IFT81: variants seen among roughly 807,000 people sequenced by gnomAD.
The protein encoded by IFT81 is intraflagellar transport protein 81 homolog.
In IFT81, 72 loss-of-function variants were observed where a neutral mutation model predicts 102.6. That is an observed-to-expected ratio of 0.70 (90% CI 0.58 to 0.85). The LOEUF is 0.85. Among genes scored for constraint, IFT81 ranks in the 40% least tolerant of loss-of-function variants. The pLI is 0.00. For synonymous variants in IFT81, 237 were observed against 242.7 expected (o/e 0.98, Z 0.22); for missense variants, 723 against 787.3 (o/e 0.92, Z 0.98).
rs950881346 is a variant in IFT81, at chr12:110,166,820, T to C, written c.1188+3755T>C. 2.6e-5 allele frequency among the ~76,000 whole-genome samples: 4 copies of C among 151,734 alleles called. No individual in the cohort carries two copies. The East Asian group carries it at 5.9e-4, about 22-fold the overall frequency. On this transcript the variant is annotated intron_variant, in intron 11 of 18. Transcript: ENST00000242591. ...GGACTACACTGTGAACAATCATTAA[T>C]TGGGAAGTGTATATTTGCCAGAAAT... is the stretch of plus-strand genomic sequence containing the variant.
chr12:110,139,866 T>TAAAATAAATAAAATAAAATAAAATATAAA (rs1477964163), intron 8 of IFT81, among the ~76,000 whole-genome samples: 5 of 130,090 alleles, frequency 3.8e-5, no homozygotes, highest in African/African-American at 1.5e-4. Flanking sequence ...TAAAATAAAA[T>TAAAATAAATAAAATAAAATAAAATATAAA]ATAAAATAAA....
chr12:110,213,607 G>A (rs1776977903), intron 18 of IFT81, among the ~76,000 whole-genome samples: 2 of 152,058 alleles, frequency 1.3e-5, no homozygotes, highest in South Asian at 2.1e-4. Flanking sequence ...TTATTGACTG[G>A]AATAATTCTG....
Position 110,203,947 on chromosome 12 carries a change from AC to A in IFT81, c.1642del (p.Gln548ArgfsTer23). On this transcript the variant is annotated frameshift_variant and splice_region_variant, in exon 15 of 19. Transcript: ENST00000242591. LOFTEE classifies it high-confidence loss of function. ...GLESNRSKLE[Q>X]EVRRLREECL... The stretch of plus-strand genomic sequence containing the variant: ...TCGAAAGCAATCGGTCCAAATTAGA[AC>A]AGGTAAGAAGAGAGTTTTTATTTTA... 1 of 1,605,714 alleles carries A rather than the reference AC, an allele frequency of 6.2e-7. No individual in the cohort carries two copies. The highest frequency in any genetic ancestry group is 8.5e-7 in the Non-Finnish European group (1 of 1,173,560).
rs202213553 is a variant in IFT81, at chr12:110,205,611, T to C, written c.1733T>C (p.Leu578Pro). The C allele has an allele frequency of 1.6e-5, 25 of 1,602,578 alleles. No individual in the cohort carries two copies. Among genetic ancestry groups the C allele is most frequent in the Non-Finnish European group, 2.1e-5 (25 of 1,176,930 alleles). ...TCTATTTAGAACCTAGAAGTTCAAC[T>C]TCGTCGTGCTACTGATGAGATGAAG... ...NCMIKNLEVQ[L>P]RRATDEMKAY... The change falls in exon 17 of 19, where the codon CTT (leucine) becomes CCT (proline). Residue 578 changes from leucine (L) to proline (P), a missense_variant. Coordinates refer to ENST00000242591, the MANE Select transcript of IFT81 (RefSeq NM_014055.4).
chr12:110,200,620 A>G (rs996848589), intron 14 of IFT81, among the ~76,000 whole-genome samples: 8 of 152,108 alleles, frequency 5.3e-5, no homozygotes, highest in African/African-American at 1.9e-4. Context: ...TTTATGTAAA[A>G]TATTTTTTTA....
chr12:110,162,238 A>T (rs1038947087), intron 10 of IFT81: 2 of 151,912 alleles, frequency 1.3e-5, no homozygotes, highest in Admixed American at 6.6e-5. Context: ...CCATGTAAAA[A>T]TACGGTAGAC....
intron 13 of IFT81, 117 bp downstream of exon 13, chr12:110,191,165 C>CAA: frequency 1.3e-6 from 1 of 798,200 alleles, no homozygotes; most frequent in Non-Finnish European, 1.9e-6. Flanking sequence ...TACATTCTTT[C>CAA]ATCTTTTTTT....
rs1894443708 is a variant in IFT81, at chr12:110,135,565, T to TTTAA, written c.696+133_696+136dup. ...TTTTGCTAACATAATGGAATACTCT[T>TTTAA]TTAATTAAGATAAATATTTCAGGCC... On this transcript the variant is annotated intron_variant, in intron 7 of 18. Coordinates refer to ENST00000242591, the MANE Select transcript of IFT81 (RefSeq NM_014055.4). The TTTAA allele has an allele frequency of 6.8e-6, 4 of 585,642 alleles. No individual in the cohort carries two copies. The East Asian group carries it at 1.3e-4, about 18-fold the overall frequency. 36.3% of individuals were successfully genotyped at this position (585,642 alleles called of 1,614,324 possible).
chr12:110,217,468 C>A (rs1870280049), intron 18 of IFT81, among the ~76,000 whole-genome samples: 1 of 152,186 alleles, frequency 6.6e-6, no homozygotes, highest in Admixed American at 6.6e-5. Context: ...CTACATTCTT[C>A]TTTTCACACC....
chr12:110,154,638 A>G (rs926580621), intron 10 of IFT81, among the ~76,000 whole-genome samples: 3 of 151,884 alleles, frequency 2.0e-5, no homozygotes, highest in African/African-American at 7.2e-5. Context: ...CAAAAAAAAA[A>G]AAAAAAGAAA....
intron 12 of IFT81, among the ~76,000 whole-genome samples, chr12:110,188,371 A>G (rs1485024872): frequency 6.6e-6 from 1 of 150,888 alleles, no homozygotes; most frequent in Non-Finnish European, 1.5e-5. Context: ...CCATCTGCTG[A>G]TTTCCGCTTG....
intron 11 of IFT81, chr12:110,168,558 T>TG (rs1257248849): frequency 2.4e-6 from 1 of 421,034 alleles, no homozygotes; most frequent in Non-Finnish European, 3.2e-6. Context: ...GGTCTGATTA[T>TG]GCCTGGAGTA....
intron 8 of IFT81, among the ~76,000 whole-genome samples, chr12:110,142,500 T>C (rs1894953254): frequency 6.6e-6 from 1 of 152,136 alleles, no homozygotes; most frequent in Non-Finnish European, 1.5e-5. Context: ...CTTGTGGTGC[T>C]TTTAGTAATG....
chr12:110,157,304 A>T (rs1895898079), intron 10 of IFT81, among the ~76,000 whole-genome samples: 1 of 152,126 alleles, frequency 6.6e-6, no homozygotes, highest in African/African-American at 2.4e-5. Flanking sequence ...AGCCAAGATC[A>T]TGCCATTGCA....
intron 12 of IFT81, 47 bp downstream of exon 12, chr12:110,180,618 G>C: frequency 6.9e-7 from 1 of 1,448,390 alleles, no homozygotes; most frequent in Middle Eastern, 1.8e-4. Flanking sequence ...ATGCCAGGAG[G>C]TTTATGGGTT....
At chr12:110,128,477 A>C (rs969005995) in intron 3 of IFT81, among the ~76,000 whole-genome samples, 1 of 151,192 alleles carries the variant, frequency 6.6e-6, no homozygotes, top group African/African-American at 2.4e-5. Flanking sequence ...TTTTCTAACT[A>C]ATGTACAGAC....
chr12:110,154,446 C>G (rs76071500), intron 10 of IFT81, among the ~76,000 whole-genome samples: 1 of 151,590 alleles, frequency 6.6e-6, no homozygotes, highest in Non-Finnish European at 1.5e-5. Flanking sequence ...GCCTGGCCAA[C>G]ATGGTGAAAC....
chr12:110,137,232 CAG>C (rs1190467569), intron 8 of IFT81, among the ~76,000 whole-genome samples: 2 of 152,172 alleles, frequency 1.3e-5, no homozygotes, highest in Non-Finnish European at 2.9e-5. Context: ...CCCAGCTACT[CAG>C]GGGGCTGAGG....
At chr12:110,148,473 G>A (rs12315174) in intron 10 of IFT81, among the ~76,000 whole-genome samples, 28,969 of 151,338 alleles carry the variant, frequency 0.19, 3,120 homozygotes, top group Admixed American at 0.29. Context: ...TTTATTAGCT[G>A]GACTACTTTT....
Sources: gnomAD v4.1 joint callset for allele counts (sites outside exome capture counted in the v4.1 genomes callset) on GRCh38, gnomAD v4.1.1 for gene constraint, MANE v1.5 for transcripts, NCBI Gene and HGNC (gene_info 2026-07-23, HGNC 2026-07-21) for gene names.